POU2F2: variants seen among roughly 807,000 people sequenced by gnomAD.
The protein encoded by POU2F2 is POU domain, class 2, transcription factor 2.
Under a neutral mutation model 63.5 loss-of-function variants are expected in POU2F2, and 14 were observed. The observed-to-expected ratio is 0.22, with a 90% CI of 0.15 to 0.34. The LOEUF is 0.34. POU2F2 is among the 10% of genes least tolerant of loss of function. The pLI is 1.00. For synonymous variants in POU2F2, 306 were observed against 348.6 expected (o/e 0.88, Z 1.36); for missense variants, 607 against 815.2 (o/e 0.74, Z 3.11).
chr19:42,171,053 T>C (rs750855962), intron 1 of POU2F2, among the ~76,000 whole-genome samples: 11 of 152,376 alleles, frequency 7.2e-5, no homozygotes, highest in Non-Finnish European at 1.3e-4. Flanking sequence ...TGGAACCCTT[T>C]TGGAGTCGGC....
upstream of POU2F2, among the ~76,000 whole-genome samples, chr19:42,176,788 G>A (rs1568425308): frequency 2.6e-5 from 4 of 151,616 alleles, no homozygotes; most frequent in Admixed American, 2.0e-4. Flanking sequence ...CCGAGAGGGA[G>A]GCGAGAGGGC....
chr19:42,150,137 C>A (rs1347678847), intron 2 of POU2F2, among the ~76,000 whole-genome samples: 1 of 152,052 alleles, frequency 6.6e-6, no homozygotes, highest in Admixed American at 6.5e-5. Context: ...CCTCCCTCAA[C>A]CTGTGGCCAT....
At chr19:42,109,107 T>G (rs549369475) in intron 5 of POU2F2, among the ~76,000 whole-genome samples, 7 of 152,318 alleles carry the variant, frequency 4.6e-5, no homozygotes, top group Admixed American at 4.6e-4. Context: ...ATTGCCCACT[T>G]TCCTACCAGG....
chr19:42,147,164 A>G (rs754832005), intron 2 of POU2F2, among the ~76,000 whole-genome samples: 26 of 152,054 alleles, frequency 1.7e-4, no homozygotes, highest in Non-Finnish European at 2.6e-4. Context: ...CCCAACCTAT[A>G]AAGTCCTATG....
At chr19:42,195,321 CCTCTTT>C (rs1322152030) in intron 1 of POU2F2, among the ~76,000 whole-genome samples, 1 of 150,844 alleles carries the variant, frequency 6.6e-6, no homozygotes, top group Admixed American at 6.6e-5. Context: ...TCCTTCCCTC[CCTCTTT>C]TTCTTTTTTT....
At chr19:42,151,997 C>T (rs971950681) in intron 2 of POU2F2, among the ~76,000 whole-genome samples, 1 of 152,276 alleles carries the variant, frequency 6.6e-6, no homozygotes, top group African/African-American at 2.4e-5. Flanking sequence ...ACCTGGCTAG[C>T]GGTGGCTGGG....
At chr19:42,166,394 G>C (rs2034650877) in intron 1 of POU2F2, among the ~76,000 whole-genome samples, 1 of 152,056 alleles carries the variant, frequency 6.6e-6, no homozygotes, top group Admixed American at 6.5e-5. Flanking sequence ...CCTAACACCT[G>C]GCAGGTACTC....
intron 1 of POU2F2, among the ~76,000 whole-genome samples, chr19:42,125,864 G>A (rs2033150879): frequency 1.3e-5 from 2 of 152,110 alleles, no homozygotes; most frequent in African/African-American, 4.8e-5. Flanking sequence ...CTGCTTGGGG[G>A]TCTGCTTGAC....
At chr19:42,098,776 G>C (rs944538580) in intron 7 of POU2F2, among the ~76,000 whole-genome samples, 2 of 152,148 alleles carry the variant, frequency 1.3e-5, no homozygotes, top group African/African-American at 4.8e-5. Flanking sequence ...ATAAAAAATG[G>C]GTAGAAAAAA....
At chr19:42,133,788 C>T (rs2033916962), upstream of POU2F2, among the ~76,000 whole-genome samples, 1 of 152,092 alleles carries the variant, frequency 6.6e-6, no homozygotes, top group South Asian at 2.1e-4. The surrounding 1 kb of genome is among the most constrained non-coding windows in gnomAD (Gnocchi z 5.1). Context: ...CACATATGTG[C>T]CCAAGCATAC....
At chr19:42,110,090 C>T (rs2030823849) in intron 5 of POU2F2, among the ~76,000 whole-genome samples, 1 of 151,496 alleles carries the variant, frequency 6.6e-6, no homozygotes, top group African/African-American at 2.4e-5. Context: ...ACCCCATCTC[C>T]ACAATTTTTT....
In POU2F2 at chr19:42,086,261, C is replaced by T. The variant is rs556758204; in HGVS notation, c.*4996G>A. 1 of 152,120 alleles carries T rather than the reference C, an allele frequency of 6.6e-6. No homozygotes were observed. Among genetic ancestry groups the T allele is most frequent in the African/African-American group, 2.4e-5 (1 of 41,482 alleles). The allele number at this position is 152,120 out of a possible 1,614,324, so 9.4% of individuals were successfully genotyped here. A position where few individuals can be genotyped will look rare whatever the true frequency, so the allele number is the denominator to read the frequency against. ...AGTTAAGAACACTGAAACACTAACC[C>T]GCTACCACGAGAAGAGACGGAGGGG... is the stretch of plus-strand genomic sequence containing the variant. On this transcript the variant is annotated 3_prime_UTR_variant, in exon 15 of 15. Coordinates refer to ENST00000692977, the MANE Select transcript of POU2F2 (RefSeq NM_001394376.1).
In POU2F2 at chr19:42,153,377, G is replaced by T. The variant is rs947393784; in HGVS notation, c.-9+6955C>A. 3.3e-5 allele frequency among the ~76,000 whole-genome samples: 5 copies of T among 152,166 alleles called. No homozygotes were observed. The highest frequency in any genetic ancestry group is 7.4e-5 in the Non-Finnish European group (5 of 68,008). ...AAGTCTCTGTCTGTCCCTTGGGGAT[G>T]TATCCCAGGAACACCTCAGGGATCT... is the stretch of plus-strand genomic sequence containing the variant. On this transcript the variant is annotated intron_variant, in intron 2 of 6. Transcript: ENST00000524801. The surrounding 1 kb of genome is among the most constrained non-coding windows in gnomAD (Gnocchi z 5.6).
At chr19:42,154,034 T>A (rs910795314) in intron 2 of POU2F2, among the ~76,000 whole-genome samples, 2 of 151,128 alleles carry the variant, frequency 1.3e-5, no homozygotes, top group African/African-American at 4.9e-5. Context: ...CCTGCTTTGG[T>A]GGATGCCACC....
chr19:42,173,753 AC>A (rs1265315175), intron 1 of POU2F2, among the ~76,000 whole-genome samples: 2 of 151,454 alleles, frequency 1.3e-5, no homozygotes, highest in Admixed American at 6.6e-5. Flanking sequence ...CGCAACCAAG[AC>A]CCCCAAAGAT....
chr19:42,099,151 C>T (rs978396479), intron 7 of POU2F2, among the ~76,000 whole-genome samples: 6 of 152,230 alleles, frequency 3.9e-5, no homozygotes, highest in Non-Finnish European at 8.8e-5. Flanking sequence ...GAGAATCCTC[C>T]GTTGCAGTGC....
In POU2F2 at chr19:42,089,390, T is replaced by C. The variant is rs1156328482; in HGVS notation, c.*1867A>G. Reference sequence around the variant, plus strand: ...CCTTCATCTGTTCTTTTTGCTTTCTTACTCCTTTTTTTCCTGTCTTTTTTT... The same window carrying C: ...CCTTCATCTGTTCTTTTTGCTTTCTCACTCCTTTTTTTCCTGTCTTTTTTT... On this transcript the variant is annotated 3_prime_UTR_variant, in exon 15 of 15. Transcript: ENST00000692977. 3.9e-5 allele frequency: 6 copies of C among 152,558 alleles called. No homozygotes were observed. Among genetic ancestry groups the C allele is most frequent in the Non-Finnish European group, 8.8e-5 (6 of 68,022 alleles). 9.5% of individuals were successfully genotyped at this position (152,558 alleles called of 1,614,324 possible).
chr19:42,187,207 TA>T (rs1353685166), intron 1 of POU2F2, among the ~76,000 whole-genome samples: 1 of 152,116 alleles, frequency 6.6e-6, no homozygotes, highest in Non-Finnish European at 1.5e-5. Flanking sequence ...TTCACGCCTG[TA>T]ATCCCAGCAT....
chr19:42,138,030 T>C (rs1599648504), intron 2 of POU2F2, among the ~76,000 whole-genome samples: 1 of 152,148 alleles, frequency 6.6e-6, no homozygotes, highest in South Asian at 2.1e-4. Flanking sequence ...CAGGCCAAGG[T>C]AAGAATTTGG....
Sources: allele counts gnomAD v4.1 joint callset (sites outside exome capture counted in the v4.1 genomes callset), GRCh38; gene constraint gnomAD v4.1.1; non-coding constraint Gnocchi (gnomAD v3.1); transcripts MANE v1.5; gene names NCBI Gene and HGNC (gene_info 2026-07-23, HGNC 2026-07-21).